Variants in PDE11A observed in about 807,000 individuals in gnomAD.
The protein encoded by PDE11A is dual 3',5'-cyclic-AMP and -GMP phosphodiesterase 11A.
A neutral mutation model predicts 100.5 loss-of-function variants in PDE11A; 100 were observed. The observed-to-expected ratio is 1.00, with a 90% confidence interval of 0.85 to 1.18. The LOEUF is 1.18. Among genes scored for constraint, PDE11A ranks in the 50% most tolerant of loss-of-function variants. The pLI is 0.00. For synonymous variants in PDE11A, 381 were observed against 420.8 expected (o/e 0.91, Z 1.16); for missense variants, 1,141 against 1,152.6 (o/e 0.99, Z 0.15).
intron 9 of PDE11A, among the ~76,000 whole-genome samples, chr2:177,771,412 A>G (rs565095171): frequency 2.0e-5 from 3 of 152,302 alleles, no homozygotes; most frequent in South Asian, 2.1e-4. Flanking sequence ...CAAAGCCACA[A>G]TGGAAGCAGT....
intron 2 of PDE11A, among the ~76,000 whole-genome samples, chr2:177,955,136 C>T (rs572519101): frequency 6.6e-6 from 1 of 152,198 alleles, no homozygotes; most frequent in African/African-American, 2.4e-5. Context: ...TTGATGTTTT[C>T]TCTTAGATTT....
chr2:177,664,980 G>C (rs987052893), intron 18 of PDE11A, among the ~76,000 whole-genome samples: 3 of 152,146 alleles, frequency 2.0e-5, no homozygotes, highest in Admixed American at 2.0e-4. Flanking sequence ...GGGTGGGGCA[G>C]AAATCACTAG....
intron 12 of PDE11A, among the ~76,000 whole-genome samples, chr2:177,716,061 T>C (rs1204077964): frequency 1.3e-5 from 2 of 152,244 alleles, no homozygotes; most frequent in Non-Finnish European, 2.9e-5. Context: ...TGTGTTGGCA[T>C]CCTGAGAAAA....
intron 1 of PDE11A, among the ~76,000 whole-genome samples, chr2:178,044,652 C>T (rs1320429888): frequency 6.6e-6 from 1 of 151,964 alleles, no homozygotes; most frequent in Non-Finnish European, 1.5e-5. Flanking sequence ...ATTTAACTTC[C>T]CTCAGACTGT....
At chr2:178,066,366 T>A (rs986979217) in intron 1 of PDE11A, among the ~76,000 whole-genome samples, 6 of 152,200 alleles carry the variant, frequency 3.9e-5, no homozygotes, top group African/African-American at 1.4e-4. Flanking sequence ...TGAGGTTTAA[T>A]GCTATGCTGT....
At chr2:177,960,839 C>T (rs112288674) in intron 2 of PDE11A, among the ~76,000 whole-genome samples, 82 of 152,298 alleles carry the variant, frequency 5.4e-4, no homozygotes, top group Non-Finnish European at 1.0e-3. Flanking sequence ...TTGCCCTAGA[C>T]ATGACCCCTT....
At chr2:177,859,908 A>G (rs1158145169) in intron 5 of PDE11A, among the ~76,000 whole-genome samples, 2 of 151,996 alleles carry the variant, frequency 1.3e-5, no homozygotes, top group Non-Finnish European at 2.9e-5. Context: ...AAATACTTTG[A>G]ATGAAAACAA....
intron 2 of PDE11A, chr2:177,997,266 T>C: frequency 1.7e-6 from 2 of 1,198,262 alleles, no homozygotes; most frequent in Non-Finnish European, 2.5e-6. Context: ...CCCTGAAGGC[T>C]CCTCTCATAA....
chr2:177,714,928 G>A (rs1045611902), intron 12 of PDE11A, among the ~76,000 whole-genome samples: 5 of 152,314 alleles, frequency 3.3e-5, no homozygotes, highest in African/African-American at 1.2e-4. Context: ...CTCCTCTGCT[G>A]CCAGCAGCCC....
intron 4 of PDE11A, among the ~76,000 whole-genome samples, chr2:177,882,512 G>T (rs1203054630): frequency 6.6e-6 from 1 of 152,026 alleles, no homozygotes; most frequent in Non-Finnish European, 1.5e-5. Flanking sequence ...ATCCAACTTT[G>T]ATTTTATTAT....
chr2:177,712,670 C>T (rs919370748), intron 12 of PDE11A, among the ~76,000 whole-genome samples: 14 of 152,176 alleles, frequency 9.2e-5, no homozygotes, highest in African/African-American at 3.1e-4. Context: ...AGCAGCAATG[C>T]TTCTTGGGTT....
chr2:177,907,214 A>C (rs749056196), intron 2 of PDE11A, among the ~76,000 whole-genome samples: 6 of 152,170 alleles, frequency 3.9e-5, no homozygotes, highest in African/African-American at 9.7e-5. Flanking sequence ...TGTGAAGTGC[A>C]ACAAATCATA....
chr2:177,825,973 A>G (rs181420232), intron 6 of PDE11A, among the ~76,000 whole-genome samples: 1 of 152,314 alleles, frequency 6.6e-6, no homozygotes, highest in Non-Finnish European at 1.5e-5. Flanking sequence ...ACAAATACAA[A>G]TATTGCTAAT....
intron 2 of PDE11A, among the ~76,000 whole-genome samples, chr2:177,908,871 T>C (rs2084831919): frequency 6.6e-6 from 1 of 152,224 alleles, no homozygotes; most frequent in Admixed American, 6.5e-5. Context: ...AATCTAAAAA[T>C]TTAGAATTTG....
chr2:177,758,760 C>T (rs747350260), intron 10 of PDE11A, among the ~76,000 whole-genome samples: 1 of 152,186 alleles, frequency 6.6e-6, no homozygotes, highest in Non-Finnish European at 1.5e-5. Context: ...CCGCCGGCTG[C>T]CTCACTGGGA....
intron 2 of PDE11A, among the ~76,000 whole-genome samples, chr2:177,988,314 T>C (rs2085964397): frequency 6.6e-6 from 1 of 152,230 alleles, no homozygotes; most frequent in African/African-American, 2.4e-5. Flanking sequence ...AAGAGTTTGT[T>C]CCTGCTATGC....
chr2:178,043,862 C>A (rs1236510256), intron 1 of PDE11A, among the ~76,000 whole-genome samples: 1 of 152,200 alleles, frequency 6.6e-6, no homozygotes, highest in Non-Finnish European at 1.5e-5. Flanking sequence ...AGGATGCTAA[C>A]TAAGAGATGC....
rs573874800 is a variant in PDE11A, at chr2:177,851,303, G to A, written c.1368-10920C>T. ...TCTCAAGAACAAAAAACCAAACACC[G>A]CATGTTCTCGCTCATAGGTGGGAAT... On this transcript the variant is annotated intron_variant, in intron 5 of 19. Coordinates refer to ENST00000286063, the MANE Select transcript of PDE11A (RefSeq NM_016953.4). Among the ~76,000 whole-genome samples, 1,015 of 151,806 alleles carry A rather than the reference G, an allele frequency of 6.7e-3. 10 individuals are homozygous for A. The highest frequency in any genetic ancestry group is 0.023 in the African/African-American group (935 of 41,252).
Position 177,776,275 on chromosome 2 carries a change from T to C in PDE11A, c.1738-6902A>G, listed in dbSNP as rs186789565. On this transcript the variant is annotated intron_variant, in intron 9 of 19. Transcript: ENST00000286063. ...CATATGCATACTTAAAATTGATTTA[T>C]GGTTTATCTGAAATTCAAATGTACT... 5.0e-4 allele frequency among the ~76,000 whole-genome samples: 76 copies of C among 152,292 alleles called. 1 individual carries two copies. The East Asian group carries it at 0.012, about 23-fold the overall frequency.
Sources: gnomAD v4.1 joint callset for allele counts (sites outside exome capture counted in the v4.1 genomes callset) on GRCh38, gnomAD v4.1.1 for gene constraint, MANE v1.5 for transcripts, NCBI Gene and HGNC (gene_info 2026-07-23, HGNC 2026-07-21) for gene names.